Variants in LPCAT2 observed in about 807,000 individuals in gnomAD.
LPCAT2 encodes the protein 1-AGP acyltransferase 11.
Under a neutral mutation model 64.7 loss-of-function variants are expected in LPCAT2, and 58 were observed. The observed-to-expected ratio is 0.90, with a 90% CI of 0.73 to 1.12. The LOEUF (loss-of-function observed/expected upper bound fraction) is 1.12, where lower values mean the gene tolerates loss of function less well. LPCAT2 is among the 50% of genes most tolerant of loss of function. LPCAT2 has a pLI of 0.00. For missense variants in LPCAT2, 579 were observed against 669.8 expected, an observed-to-expected ratio of 0.86 and a Z score of 1.50; for synonymous variants, 252 against 245.3, an observed-to-expected ratio of 1.03 and a Z score of -0.26.
At position 55,586,282 on chromosome 16, in the gene LPCAT2, A is replaced by G. The variant is rs1423965918; in HGVS notation, c.*3184A>G. On this transcript the variant is annotated 3_prime_UTR_variant, in exon 14 of 14. Coordinates refer to ENST00000262134, the MANE Select transcript of LPCAT2 (RefSeq NM_017839.5). ...TTCTAGGTAATCGTTCTCTCTCAAC[A>G]AACTTCTCAAGCGTCTGTGTAACAA... The G allele has an allele frequency of 6.6e-6, 1 of 152,160 alleles. No individual in the cohort carries two copies. The highest frequency in any genetic ancestry group is 1.9e-4 in the East Asian group (1 of 5,184). The allele number at this position is 152,160 out of a possible 1,614,324, so 9.4% of individuals were successfully genotyped here.
intron 4 of LPCAT2, among the ~76,000 whole-genome samples, chr16:55,530,358 G>A (rs1963235493): frequency 6.6e-6 from 1 of 152,030 alleles, no homozygotes; most frequent in Non-Finnish European, 1.5e-5. Context: ...TGGTGGGTAA[G>A]TGATTAAGAT....
intron 1 of LPCAT2, among the ~76,000 whole-genome samples, chr16:55,523,222 A>G (rs1443628457): frequency 6.6e-6 from 1 of 151,782 alleles, no homozygotes; most frequent in Non-Finnish European, 1.5e-5. Flanking sequence ...TTGTTCATCA[A>G]GGAAATGTGG....
intron 7 of LPCAT2, 56 bp from the exon 8 acceptor site, chr16:55,537,522 T>C: frequency 1.5e-6 from 2 of 1,329,442 alleles, no homozygotes; most frequent in Non-Finnish European, 2.1e-6. Context: ...TGTTGAATAA[T>C]ATAAGATGAT....
chr16:55,542,294 A>G (rs1246223288), intron 8 of LPCAT2, among the ~76,000 whole-genome samples: 1 of 152,176 alleles, frequency 6.6e-6, no homozygotes, highest in Non-Finnish European at 1.5e-5. Flanking sequence ...CTCATCTGGG[A>G]CAGGATGGTG....
chr16:55,583,123 C>T lies in LPCAT2; in HGVS notation c.*25C>T. On this transcript the variant is annotated 3_prime_UTR_variant, in exon 14 of 14. Coordinates refer to ENST00000262134, the MANE Select transcript of LPCAT2 (RefSeq NM_017839.5). ...AAAGCAGTATTTCCAATAAGGAAAA[C>T]ACAGTAGCTTTTGCTTGAAATTGTA... The T allele has an allele frequency of 6.4e-7, 1 of 1,553,600 alleles. No individual in the cohort carries two copies. Among genetic ancestry groups the T allele is most frequent in the South Asian group, 1.2e-5 (1 of 81,578 alleles).
chr16:55,561,421 T>G (rs1963635191), intron 11 of LPCAT2, among the ~76,000 whole-genome samples: 2 of 147,214 alleles, frequency 1.4e-5, no homozygotes, highest in Non-Finnish European at 3.0e-5. Context: ...CAGACAGCAA[T>G]TAAGGTTGCT....
intron 13 of LPCAT2, 77 bp from the exon 14 acceptor site, chr16:55,582,837 A>G: frequency 2.2e-6 from 2 of 895,828 alleles, no homozygotes; most frequent in South Asian, 1.7e-5. Flanking sequence ...TTGCATTATT[A>G]GAGTCATTTA....
intron 11 of LPCAT2, among the ~76,000 whole-genome samples, chr16:55,552,545 T>C (rs1596874375): frequency 1.3e-5 from 2 of 152,194 alleles, no homozygotes; most frequent in African/African-American, 4.8e-5. Flanking sequence ...ATATTTTTGT[T>C]GTACAGGCAG....
At chr16:55,554,549 T>C (rs1399856364) in intron 11 of LPCAT2, among the ~76,000 whole-genome samples, 1 of 152,218 alleles carries the variant, frequency 6.6e-6, no homozygotes, top group Non-Finnish European at 1.5e-5. Flanking sequence ...TGTTGTGGCT[T>C]TGACCTTCTA....
Position 55,541,929 on chromosome 16 carries a change from G to T in LPCAT2, c.853-3806G>T, listed in dbSNP as rs551871935. 1.8e-4 allele frequency: 231 copies of T among 1,277,498 alleles called. 3 individuals carry two copies. In the South Asian group the frequency reaches 2.7e-3, roughly 15 times the overall value. The allele number at this position is 1,277,498 out of a possible 1,614,324, so 79.1% of individuals were successfully genotyped here. ...TTTTCTCTTCGAAGATTTAAAAGAA[G>T]AATTACACAAAGAACTAGAACTGCA... On this transcript the variant is annotated intron_variant, in intron 8 of 13. Coordinates refer to ENST00000262134, the MANE Select transcript of LPCAT2 (RefSeq NM_017839.5).
chr16:55,547,131 G>A (rs1402151268), intron 9 of LPCAT2, among the ~76,000 whole-genome samples: 18 of 151,396 alleles, frequency 1.2e-4, no homozygotes, highest in Admixed American at 1.1e-3. Context: ...CCTGGGCGAC[G>A]AGTGAAACTC....
chr16:55,551,243 G>GT lies in LPCAT2; in HGVS notation c.1215+148dup, dbSNP rs1358306270. On this transcript the variant is annotated intron_variant, in intron 11 of 13. Coordinates refer to ENST00000262134, the MANE Select transcript of LPCAT2 (RefSeq NM_017839.5). ...GCCTATGGTTTAATTGCATGATTTTGTTTTTTTCTCCTTAATAGTAATATT... is the reference window on the plus strand; with the variant it reads ...GCCTATGGTTTAATTGCATGATTTTGTTTTTTTTCTCCTTAATAGTAATATT... 75 of 599,870 alleles carry GT rather than the reference G, an allele frequency of 1.3e-4. 1 individual carries two copies. The highest frequency in any genetic ancestry group is 1.2e-3 in the African/African-American group (62 of 53,552). 37.2% of individuals were successfully genotyped at this position (599,870 alleles called of 1,614,324 possible).
chr16:55,563,525 A>T (rs1289739805), intron 11 of LPCAT2, among the ~76,000 whole-genome samples: 2 of 152,018 alleles, frequency 1.3e-5, no homozygotes, highest in Non-Finnish European at 1.5e-5. Flanking sequence ...AGTGGGATTT[A>T]TTCCTGGAAT....
At chr16:55,523,553 T>C (rs1237462693) in intron 1 of LPCAT2, among the ~76,000 whole-genome samples, 1 of 151,786 alleles carries the variant, frequency 6.6e-6, no homozygotes, top group African/African-American at 2.4e-5. Flanking sequence ...AGTAAATAGA[T>C]AGATCATGAT....
chr16:55,544,256 A>G (rs1424942330), intron 8 of LPCAT2, among the ~76,000 whole-genome samples: 1 of 152,228 alleles, frequency 6.6e-6, no homozygotes, highest in Non-Finnish European at 1.5e-5. Flanking sequence ...GGTATTTTTA[A>G]CTACTTCTAG....
rs1408481064 is a variant in LPCAT2, at chr16:55,585,572, A to C, written c.*2474A>C. 2.0e-5 allele frequency: 3 copies of C among 152,208 alleles called. No individual in the cohort carries two copies. The highest frequency in any genetic ancestry group is 4.4e-5 in the Non-Finnish European group (3 of 68,038). 9.4% of individuals were successfully genotyped at this position (152,208 alleles called of 1,614,324 possible). On this transcript the variant is annotated 3_prime_UTR_variant, in exon 14 of 14. Transcript: ENST00000262134. ...TATAGTAATATAAAAAAACTCTTTG[A>C]AGTGAGAAATATTATATCCTAAAAC...
At chr16:55,549,702 C>T (rs1225748585) in intron 10 of LPCAT2, among the ~76,000 whole-genome samples, 1 of 152,190 alleles carries the variant, frequency 6.6e-6, no homozygotes, top group Non-Finnish European at 1.5e-5. Flanking sequence ...GTTAGTCCTG[C>T]CACCTTCTTA....
At chr16:55,526,105 A>G (rs1350545773) in intron 2 of LPCAT2, 1 of 152,162 alleles carries the variant, frequency 6.6e-6, no homozygotes, top group Non-Finnish European at 1.5e-5. Context: ...TATTTTTATT[A>G]ATTACTTTAG....
chr16:55,554,632 G>A (rs1277381324), intron 11 of LPCAT2, among the ~76,000 whole-genome samples: 2 of 152,128 alleles, frequency 1.3e-5, no homozygotes, highest in Non-Finnish European at 2.9e-5. Flanking sequence ...GTGTTCACTG[G>A]GGTAGCACTT....
Sources: gnomAD v4.1 joint callset for allele counts (sites outside exome capture counted in the v4.1 genomes callset) on GRCh38, gnomAD v4.1.1 for gene constraint, MANE v1.5 for transcripts, NCBI Gene and HGNC (gene_info 2026-07-23, HGNC 2026-07-21) for gene names.